The following GPBP1 variants were observed in gnomAD, a reference collection of about 807,000 sequenced individuals.
The protein encoded by GPBP1 is vasculin.
In GPBP1, 13 loss-of-function variants were observed where a neutral mutation model predicts 56.5. The observed-to-expected ratio is 0.23, with a 90% CI of 0.15 to 0.37. GPBP1 has a LOEUF of 0.37. Among genes scored for constraint, GPBP1 ranks in the 10% least tolerant of loss-of-function variants. The probability of loss-of-function intolerance (pLI) is 1.00; values close to 1 mark genes in which losing one functional copy is unlikely to be tolerated. For missense variants in GPBP1, 477 were observed against 572.3 expected (o/e 0.83, Z 1.70); for synonymous variants, 204 against 188.9 (o/e 1.08, Z -0.66).
At chr5:57,262,419 G>C (rs990118169) in intron 11 of GPBP1, among the ~76,000 whole-genome samples, 175 bp from the exon 12 acceptor site, 3 of 152,112 alleles carry the variant, frequency 2.0e-5, no homozygotes, top group African/African-American at 7.2e-5. Context: ...ACCTTAATCA[G>C]TGTGACAATT....
chr5:57,176,232 A>G lies in GPBP1; in HGVS notation c.-226A>G, dbSNP rs942281227. The G allele has an allele frequency of 2.6e-6, 1 of 385,116 alleles. No homozygotes were observed. Among genetic ancestry groups the G allele is most frequent in the African/African-American group, 2.1e-5 (1 of 48,522 alleles). The allele number at this position is 385,116 out of a possible 1,614,324, so 23.9% of individuals were successfully genotyped here. A position where few individuals can be genotyped will look rare whatever the true frequency, so the allele number is the denominator to read the frequency against. The stretch of plus-strand genomic sequence containing the variant: ...GATAGCCATATGAAAACTTTAAAAC[A>G]GAAGTATGGGTAGCTGACTTGAAGT... On this transcript the variant is annotated 5_prime_UTR_variant, in exon 2 of 12. Coordinates refer to ENST00000506184, the MANE Select transcript of GPBP1 (RefSeq NM_022913.4).
intron 6 of GPBP1, among the ~76,000 whole-genome samples, chr5:57,239,291 C>A (rs558895382): frequency 6.6e-6 from 1 of 152,262 alleles, no homozygotes; most frequent in African/African-American, 2.4e-5. Context: ...ATTACTTGTT[C>A]ACCATGGAAA....
intron 2 of GPBP1, among the ~76,000 whole-genome samples, chr5:57,213,298 T>C (rs1047217016): frequency 6.6e-6 from 1 of 151,976 alleles, no homozygotes. Flanking sequence ...TGATCTGCCC[T>C]CCTCGGCCTC....
intron 2 of GPBP1, among the ~76,000 whole-genome samples, chr5:57,190,324 C>T (rs190020889): frequency 6.6e-6 from 1 of 151,986 alleles, no homozygotes; most frequent in Non-Finnish European, 1.5e-5. Context: ...GTGGCTCATA[C>T]CTGTAATCCC....
At chr5:57,243,722 C>G (rs1009426740) in intron 6 of GPBP1, among the ~76,000 whole-genome samples, 1 of 151,474 alleles carries the variant, frequency 6.6e-6, no homozygotes, top group African/African-American at 2.4e-5. Context: ...GGGTCCCACT[C>G]TGTGGCCCAG....
chr5:57,178,316 C>T (rs754310347), intron 2 of GPBP1, among the ~76,000 whole-genome samples: 41 of 152,114 alleles, frequency 2.7e-4, no homozygotes, highest in Admixed American at 2.0e-4. Flanking sequence ...GGCGCAGTCT[C>T]GGCTCACTGC....
At chr5:57,219,701 G>A (rs1268084580) in intron 3 of GPBP1, among the ~76,000 whole-genome samples, 3 of 152,034 alleles carry the variant, frequency 2.0e-5, no homozygotes, top group Non-Finnish European at 4.4e-5. Flanking sequence ...TGAAATAAAT[G>A]TAAGACTTCT....
chr5:57,251,947 ATT>A (rs2111947475), intron 10 of GPBP1, among the ~76,000 whole-genome samples: 1 of 152,242 alleles, frequency 6.6e-6, no homozygotes, highest in South Asian at 2.1e-4. Context: ...CTTATTGGCC[ATT>A]TATCCTCTTA....
chr5:57,176,726 G>GA (rs1043263794), intron 2 of GPBP1, among the ~76,000 whole-genome samples: 2 of 152,134 alleles, frequency 1.3e-5, no homozygotes, highest in East Asian at 1.9e-4. Context: ...AGAAAGGTAG[G>GA]AAAAAATGCA....
chr5:57,175,365 G>A, intron 1 of GPBP1, 83 bp from the exon 2 acceptor site: 1 of 394,450 alleles, frequency 2.5e-6, no homozygotes, highest in Non-Finnish European at 4.5e-6. Flanking sequence ...TTTCTCTCCA[G>A]AGGTTGACTT....
At chr5:57,208,372 C>T (rs971833443) in intron 2 of GPBP1, among the ~76,000 whole-genome samples, 1 of 151,632 alleles carries the variant, frequency 6.6e-6, no homozygotes, top group Non-Finnish European at 1.5e-5. Flanking sequence ...TAGCTGGGAC[C>T]ACAGGTACGA....
chr5:57,180,667 TC>T (rs1229160974), intron 2 of GPBP1, among the ~76,000 whole-genome samples: 1 of 152,190 alleles, frequency 6.6e-6, no homozygotes, highest in African/African-American at 2.4e-5. Flanking sequence ...GGCCTTAGTT[TC>T]TTCATTATAC....
At chr5:57,208,135 C>G (rs1336432353) in intron 2 of GPBP1, among the ~76,000 whole-genome samples, 1 of 152,142 alleles carries the variant, frequency 6.6e-6, no homozygotes, top group African/African-American at 2.4e-5. Flanking sequence ...CCCTTCCCTT[C>G]CCAGCGCTTG....
chr5:57,240,094 A>G (rs1218695696), intron 6 of GPBP1, among the ~76,000 whole-genome samples: 2 of 152,094 alleles, frequency 1.3e-5, no homozygotes, highest in South Asian at 4.1e-4. Context: ...AAAATAAAAA[A>G]TAAAAAATTA....
At chr5:57,252,484 AG>A (rs1237250383) in intron 10 of GPBP1, among the ~76,000 whole-genome samples, 2 of 151,938 alleles carry the variant, frequency 1.3e-5, no homozygotes, top group Non-Finnish European at 2.9e-5. Context: ...TCTGTCTCCC[AG>A]GGTCAAGTGA....
intron 2 of GPBP1, among the ~76,000 whole-genome samples, chr5:57,189,818 C>T (rs1754441384): frequency 6.6e-6 from 1 of 152,152 alleles, no homozygotes; most frequent in Non-Finnish European, 1.5e-5. Flanking sequence ...GCCCATTGGC[C>T]TTCTTTCTCT....
intron 6 of GPBP1, among the ~76,000 whole-genome samples, chr5:57,244,968 C>A (rs561494679): frequency 9.9e-4 from 151 of 152,134 alleles, no homozygotes; most frequent in Non-Finnish European, 6.5e-4. Context: ...GAGCTCCGGA[C>A]CTCATGGTCT....
At chr5:57,219,398 A>AAACCC (rs1561348244) in intron 3 of GPBP1, among the ~76,000 whole-genome samples, 1 of 69,772 alleles carries the variant, frequency 1.4e-5, no homozygotes, top group Admixed American at 1.8e-4. Flanking sequence ...AAAAAAAAAA[A>AAACCC]AAAAACCAAA....
chr5:57,186,712 T>A (rs1754301624), intron 2 of GPBP1, among the ~76,000 whole-genome samples: 1 of 152,062 alleles, frequency 6.6e-6, no homozygotes, highest in Non-Finnish European at 1.5e-5. Flanking sequence ...AGACTACAGG[T>A]ATGTGCCACC....
Sources: gnomAD v4.1 joint callset for allele counts (sites outside exome capture counted in the v4.1 genomes callset) on GRCh38, gnomAD v4.1.1 for gene constraint, MANE v1.5 for transcripts, NCBI Gene and HGNC (gene_info 2026-07-23, HGNC 2026-07-21) for gene names.